CEMIP: variants seen among roughly 807,000 people sequenced by gnomAD.
CEMIP encodes cell migration inducing hyaluronidase 1, also known as cell migration-inducing and hyaluronan-binding protein.
Under a neutral mutation model 156.9 loss-of-function variants are expected in CEMIP, and 105 were observed. That is an observed-to-expected ratio of 0.67 (90% CI 0.57 to 0.79). The LOEUF (loss-of-function observed/expected upper bound fraction) is 0.79. CEMIP is among the 30% of genes least tolerant of loss of function. The pLI is 0.00. For missense variants in CEMIP, 1,457 were observed against 1,769.4 expected, an observed-to-expected ratio of 0.82 and a Z score of 3.17; for synonymous variants, 676 against 668.4, an observed-to-expected ratio of 1.01 and a Z score of -0.17.
At chr15:80,793,663 T>C (rs1389945233) in intron 1 of CEMIP, among the ~76,000 whole-genome samples, 1 of 152,214 alleles carries the variant, frequency 6.6e-6, no homozygotes, top group Non-Finnish European at 1.5e-5. Flanking sequence ...TGACCTGTTT[T>C]CATTTTCCAA....
At chr15:80,896,210 C>A in intron 12 of CEMIP, 150 bp downstream of exon 12, 1 of 804,850 alleles carries the variant, frequency 1.2e-6, no homozygotes, top group Non-Finnish European at 2.1e-6. Flanking sequence ...CATGACAGGT[C>A]TTTATTTCTT....
chr15:80,895,073 G>C lies in CEMIP; in HGVS notation c.1170G>C (p.Arg390=), dbSNP rs1452152519. 2 of 1,614,212 alleles carry C rather than the reference G, an allele frequency of 1.2e-6. No individual in the cohort carries two copies. The highest frequency in any genetic ancestry group is 1.7e-6 in the Non-Finnish European group (2 of 1,180,036). ...ATTATAGGTTTGCTTGCTACGACCG[G>C]GGCAGAGCCTGCCGGAGCTACCGTG... The part of the protein sequence containing the change: ...GQDYRFACYD[R]GRACRSYRVR... Residue 390 remains arginine (R), a synonymous_variant, in exon 11 of 30, where the codon CGG becomes CGC. Coordinates refer to ENST00000394685, the MANE Select transcript of CEMIP (RefSeq NM_001293298.2).
intron 12 of CEMIP, chr15:80,897,189 G>A: frequency 1.6e-5 from 7 of 448,516 alleles, no homozygotes; most frequent in South Asian, 1.1e-4. Context: ...ACCACCTGGA[G>A]GAGTATTAGA....
chr15:80,904,198 GATT>G (rs2141882246), intron 12 of CEMIP, among the ~76,000 whole-genome samples: 1 of 152,310 alleles, frequency 6.6e-6, no homozygotes, highest in South Asian at 2.1e-4. Context: ...ATCTTTCTAA[GATT>G]ATTATTACTT....
intron 1 of CEMIP, among the ~76,000 whole-genome samples, chr15:80,808,300 C>T (rs1244860099): frequency 6.6e-6 from 1 of 152,206 alleles, no homozygotes; most frequent in Non-Finnish European, 1.5e-5. Context: ...CAGCCTTCCA[C>T]TGCTGAGACC....
At chr15:80,897,438 G>C (rs1866885621) in intron 12 of CEMIP, 1 of 434,210 alleles carries the variant, frequency 2.3e-6, no homozygotes, top group South Asian at 1.6e-5. Flanking sequence ...TCATGTGGTG[G>C]AGGCAGTCCA....
intron 29 of CEMIP, 127 bp from the exon 30 acceptor site, chr15:80,948,670 C>A: frequency 7.9e-7 from 1 of 1,258,126 alleles, no homozygotes; most frequent in Non-Finnish European, 1.2e-6. Context: ...CCCAAGGGGC[C>A]ACAGTGCAGT....
At chr15:80,870,700 G>A (rs1480801726) in intron 1 of CEMIP, among the ~76,000 whole-genome samples, 1 of 152,218 alleles carries the variant, frequency 6.6e-6, no homozygotes, top group Admixed American at 6.5e-5. Context: ...ACCCTGTGAG[G>A]TCCAGCAACC....
At chr15:80,941,099 G>A (rs1001358758) in intron 25 of CEMIP, among the ~76,000 whole-genome samples, 3 of 152,128 alleles carry the variant, frequency 2.0e-5, no homozygotes, top group African/African-American at 7.2e-5. Context: ...GGGGTTTGGG[G>A]GCGAGGGCAT....
intron 7 of CEMIP, among the ~76,000 whole-genome samples, chr15:80,884,613 G>C (rs568048831): frequency 6.6e-6 from 1 of 152,198 alleles, no homozygotes; most frequent in East Asian, 1.9e-4. Flanking sequence ...TCATTCAGTC[G>C]GCCACTTACA....
intron 1 of CEMIP, among the ~76,000 whole-genome samples, chr15:80,858,900 A>G (rs998184961): frequency 6.6e-6 from 1 of 152,226 alleles, no homozygotes; most frequent in African/African-American, 2.4e-5. Flanking sequence ...AGCTTCAGGC[A>G]TAATTGGGTC....
Position 80,805,374 on chromosome 15 carries a change from C to T in CEMIP, c.-176+25760C>T, listed in dbSNP as rs567462947. ...CAAAGCAGACATGCAAACAAGCAGA[C>T]CTTCTTTTCAGGTTTAAATTGCCTA... On this transcript the variant is annotated intron_variant, in intron 1 of 29. Transcript: ENST00000394685. 1.6e-3 allele frequency among the ~76,000 whole-genome samples: 248 copies of T among 152,302 alleles called. 1 individual carries two copies. Among genetic ancestry groups the T allele is most frequent in the Non-Finnish European group, 2.9e-3 (199 of 68,030 alleles).
intron 1 of CEMIP, among the ~76,000 whole-genome samples, chr15:80,782,225 T>C (rs1443823696): frequency 1.3e-5 from 2 of 152,214 alleles, no homozygotes; most frequent in African/African-American, 4.8e-5. Flanking sequence ...AGTGGCTTTG[T>C]TGTCTTTCTG....
rs113129961 is a variant in CEMIP at position 80,923,849 on chromosome 15, G to T, written c.2203-772G>T. On this transcript the variant is annotated intron_variant, in intron 17 of 29. Transcript: ENST00000394685. ...ATGACTAAGGCTAAAGAGGTGAAGG[G>T]ACTTGCCCAGTCATAGTTAGTGGGA... is the stretch of plus-strand genomic sequence containing the variant. 7.9e-5 allele frequency among the ~76,000 whole-genome samples: 12 copies of T among 152,272 alleles called. 1 individual carries two copies. The highest frequency in any genetic ancestry group is 2.9e-4 in the African/African-American group (12 of 41,544).
At chr15:80,813,392 C>T (rs1363488954) in intron 1 of CEMIP, among the ~76,000 whole-genome samples, 1 of 146,622 alleles carries the variant, frequency 6.8e-6, no homozygotes, top group Non-Finnish European at 1.5e-5. Context: ...CTCTGTCACC[C>T]AGGTTGGAGT....
intron 1 of CEMIP, among the ~76,000 whole-genome samples, chr15:80,838,023 A>G (rs1223858573): frequency 1.3e-5 from 2 of 152,194 alleles, no homozygotes; most frequent in Non-Finnish European, 2.9e-5. Flanking sequence ...TGGCTGTCCC[A>G]GGTGTGCTGT....
At chr15:80,890,325 T>A (rs1898992860) in intron 10 of CEMIP, among the ~76,000 whole-genome samples, 1 of 151,578 alleles carries the variant, frequency 6.6e-6, no homozygotes, top group Non-Finnish European at 1.5e-5. Context: ...ATGCCTGTAA[T>A]CCCAGCACTT....
intron 1 of CEMIP, among the ~76,000 whole-genome samples, chr15:80,781,949 A>G (rs963934054): frequency 2.0e-5 from 3 of 152,026 alleles, no homozygotes; most frequent in Non-Finnish European, 4.4e-5. Context: ...TTTGATAGGG[A>G]CTCCATCTTC....
At chr15:80,807,150 A>G (rs1368945729) in intron 1 of CEMIP, among the ~76,000 whole-genome samples, 2 of 152,100 alleles carry the variant, frequency 1.3e-5, no homozygotes, top group Non-Finnish European at 2.9e-5. Context: ...GACGTAGGAT[A>G]GGTGAGAAAT....
Sources: gnomAD v4.1 joint callset for allele counts (sites outside exome capture counted in the v4.1 genomes callset) on GRCh38, gnomAD v4.1.1 for gene constraint, MANE v1.5 for transcripts, NCBI Gene and HGNC (gene_info 2026-07-23, HGNC 2026-07-21) for gene names.